Variants in ENPP2 observed in about 807,000 individuals in gnomAD.
The protein encoded by ENPP2 is ectonucleotide pyrophosphatase/phosphodiesterase 2, also known as autotaxin.
In ENPP2, 51 loss-of-function variants were observed where a neutral mutation model predicts 120.2. The observed-to-expected ratio is 0.42, with a 90% confidence interval of 0.34 to 0.54. The LOEUF is 0.54. ENPP2 is among the 20% of genes least tolerant of loss of function. The pLI is 0.04. For synonymous variants in ENPP2, 365 were observed against 366.4 expected (o/e 1.00, Z 0.04); for missense variants, 920 against 1,066.5 (o/e 0.86, Z 1.91).
intron 2 of ENPP2, among the ~76,000 whole-genome samples, chr8:119,635,277 T>TTGAA (rs1816931857): frequency 6.6e-6 from 1 of 152,226 alleles, no homozygotes; most frequent in Non-Finnish European, 1.5e-5. Context: ...CACATACTTT[T>TTGAA]CAACTTTCCT....
chr8:119,572,064 A>G (rs1224231233), intron 19 of ENPP2: 1 of 740,676 alleles, frequency 1.4e-6, no homozygotes, highest in African/African-American at 1.8e-5. Flanking sequence ...ACATAATCTG[A>G]CAATATTAAA....
At chr8:119,666,371 A>T (rs1469547415) in intron 1 of ENPP2, among the ~76,000 whole-genome samples, 1 of 152,174 alleles carries the variant, frequency 6.6e-6, no homozygotes, top group East Asian at 1.9e-4. Context: ...TTTTTCAAAG[A>T]TCTTAGTATC....
chr8:119,590,187 T>G (rs1310704900), intron 13 of ENPP2, among the ~76,000 whole-genome samples: 2 of 152,212 alleles, frequency 1.3e-5, no homozygotes, highest in Admixed American at 1.3e-4. Flanking sequence ...TTTATGGTCA[T>G]GAATATGCTT....
chr8:119,596,497 A>G (rs1813904916), intron 11 of ENPP2, among the ~76,000 whole-genome samples: 1 of 152,232 alleles, frequency 6.6e-6, no homozygotes, highest in African/African-American at 2.4e-5. Context: ...CACGTCAGCA[A>G]CTATGTCAAA....
chr8:119,568,811 C>A (rs1489675626), intron 21 of ENPP2, among the ~76,000 whole-genome samples: 1 of 152,132 alleles, frequency 6.6e-6, no homozygotes, highest in East Asian at 1.9e-4. Flanking sequence ...GTTGTCCAGG[C>A]TCATCTCGAA....
At chr8:119,631,630 GATTAA>G (rs1343742539) in intron 2 of ENPP2, among the ~76,000 whole-genome samples, 2 of 152,054 alleles carry the variant, frequency 1.3e-5, no homozygotes, top group Admixed American at 6.5e-5. Flanking sequence ...TAAACAAAAT[GATTAA>G]ATTAACAAAT....
intron 2 of ENPP2, among the ~76,000 whole-genome samples, chr8:119,632,722 C>A (rs1315459456): frequency 6.6e-6 from 1 of 152,146 alleles, no homozygotes; most frequent in Non-Finnish European, 1.5e-5. Context: ...CTTAAGTCAA[C>A]TTTATGTCTA....
At chr8:119,616,955 A>T (rs1174213063) in intron 7 of ENPP2, among the ~76,000 whole-genome samples, 1 of 152,202 alleles carries the variant, frequency 6.6e-6, no homozygotes, top group Non-Finnish European at 1.5e-5. Context: ...ACCTGAAAAA[A>T]GTTTTCAGCT....
chr8:119,611,978 G>C (rs761249110), intron 8 of ENPP2, among the ~76,000 whole-genome samples: 1 of 152,156 alleles, frequency 6.6e-6, no homozygotes, highest in Admixed American at 6.6e-5. Context: ...GCTGTGAGCC[G>C]AGACTGTGCC....
intron 1 of ENPP2, among the ~76,000 whole-genome samples, chr8:119,660,258 G>A (rs1402541476): frequency 6.6e-6 from 1 of 152,116 alleles, no homozygotes; most frequent in Non-Finnish European, 1.5e-5. Flanking sequence ...AATGTCTTGT[G>A]GACCACATGT....
At chr8:119,667,362 T>C (rs974535968) in intron 1 of ENPP2, among the ~76,000 whole-genome samples, 1 of 152,220 alleles carries the variant, frequency 6.6e-6, no homozygotes, top group Non-Finnish European at 1.5e-5. Flanking sequence ...GGGATGCCTG[T>C]TAGAAAATTC....
chr8:119,659,555 A>C (rs1379408986), intron 1 of ENPP2, among the ~76,000 whole-genome samples: 1 of 152,156 alleles, frequency 6.6e-6, no homozygotes, highest in Admixed American at 6.5e-5. Flanking sequence ...CATCATATCC[A>C]TCCATTGACT....
At chr8:119,625,739 A>G (rs1816226326) in intron 3 of ENPP2, among the ~76,000 whole-genome samples, 1 of 152,190 alleles carries the variant, frequency 6.6e-6, no homozygotes, top group Non-Finnish European at 1.5e-5. Context: ...CAAAAATCCT[A>G]TCTGAAATAT....
chr8:119,652,426 T>C (rs1303301652), intron 1 of ENPP2, among the ~76,000 whole-genome samples: 2 of 152,196 alleles, frequency 1.3e-5, no homozygotes, highest in Non-Finnish European at 2.9e-5. Flanking sequence ...AATCTATTCA[T>C]CCCACATCCA....
At chr8:119,573,081 C>T (rs541894794) in intron 19 of ENPP2, 1 of 152,186 alleles carries the variant, frequency 6.6e-6, no homozygotes, top group African/African-American at 2.4e-5. Flanking sequence ...GAAGAAAGGG[C>T]GAGGGGCCCA....
intron 18 of ENPP2, chr8:119,580,413 T>G: frequency 1.9e-6 from 1 of 531,332 alleles, no homozygotes; most frequent in Non-Finnish European, 3.4e-6. Flanking sequence ...AAACTGTGGA[T>G]AGTCACCACA....
chr8:119,582,165 C>G (rs561903354), intron 18 of ENPP2, among the ~76,000 whole-genome samples: 62 of 152,336 alleles, frequency 4.1e-4, no homozygotes, highest in African/African-American at 1.4e-3. Flanking sequence ...CACAGAATAG[C>G]AACATGAATT....
At chr8:119,606,543 G>A (rs993902753) in intron 9 of ENPP2, among the ~76,000 whole-genome samples, 1 of 151,280 alleles carries the variant, frequency 6.6e-6, no homozygotes, top group Non-Finnish European at 1.5e-5. Context: ...TCAACATGCT[G>A]TTTATATTAA....
intron 15 of ENPP2, among the ~76,000 whole-genome samples, chr8:119,584,322 C>G (rs1812957810): frequency 6.6e-6 from 1 of 152,086 alleles, no homozygotes; most frequent in South Asian, 2.1e-4. Flanking sequence ...GGGCACTTGT[C>G]AAAAGTCATG....
Sources: allele counts gnomAD v4.1 joint callset (sites outside exome capture counted in the v4.1 genomes callset), GRCh38; gene constraint gnomAD v4.1.1; transcripts MANE v1.5; gene names NCBI Gene and HGNC (gene_info 2026-07-23, HGNC 2026-07-21).